The following LINC00632 variants were observed in gnomAD, a reference collection of about 807,000 sequenced individuals.
LINC00632 encodes the protein long independently transcribed non-coding RNA 632.
chrX:140,740,830 C>G (rs1271912508), intron 3 of LINC00632, among the ~76,000 whole-genome samples: 2 of 111,879 alleles, frequency 1.8e-5, no homozygotes, highest in East Asian at 2.8e-4. Flanking sequence ...TGATTCCATT[C>G]AAAAGGAGAT....
exon 5 of LINC00632, among the ~76,000 whole-genome samples, chrX:140,786,313 C>T (rs3761509): frequency 0.051 from 5,670 of 111,402 alleles, 157 homozygotes; most frequent in Middle Eastern, 0.12. Context: ...TTAAAATCGT[C>T]TGTGGGAAAC....
exon 4 of LINC00632, among the ~76,000 whole-genome samples, chrX:140,773,223 G>GAA (rs1931832094): frequency 2.7e-5 from 3 of 111,739 alleles, no homozygotes; most frequent in African/African-American, 9.8e-5. Flanking sequence ...GAAGAGAAGA[G>GAA]AAGAGAAGCT....
chrX:140,763,767 T>A (rs1321130943), intron 3 of LINC00632, among the ~76,000 whole-genome samples: 2 of 112,034 alleles, frequency 1.8e-5, no homozygotes, highest in African/African-American at 3.2e-5. Context: ...GTTTTTCACA[T>A]CCATTTTCTA....
chrX:140,764,172 C>T (rs1473409847), intron 3 of LINC00632, among the ~76,000 whole-genome samples: 5 of 110,568 alleles, frequency 4.5e-5, no homozygotes, highest in African/African-American at 1.6e-4. Flanking sequence ...TGACTTTTCA[C>T]GACAGATATT....
At chrX:140,787,957 T>A (rs1443923478) in exon 5 of LINC00632, among the ~76,000 whole-genome samples, 2 of 110,831 alleles carry the variant, frequency 1.8e-5, no homozygotes, top group African/African-American at 6.5e-5. Flanking sequence ...ATAGTCATTA[T>A]ATGAATGTTC....
intron 3 of LINC00632, among the ~76,000 whole-genome samples, chrX:140,742,872 A>AAAG (rs60962368): frequency 1.1e-5 from 1 of 93,504 alleles, no homozygotes; most frequent in African/African-American, 4.6e-5. Flanking sequence ...AGAGAGAGAG[A>AAAG]GAGAGAGGAA....
rs183184956 is a variant in LINC00632, at chrX:140,753,258, A to C, written n.192-18820A>C. Among the ~76,000 whole-genome samples, 12 of 112,257 alleles carry C rather than the reference A, an allele frequency of 1.1e-4. No homozygotes were observed. The East Asian group carries it at 3.1e-3, about 29-fold the overall frequency. ...AGTCTATGCTACTAATTATCAGTAT[A>C]ATTTGGGATAAGCCTTCCACTCTTG... On this transcript the variant is annotated intron_variant and non_coding_transcript_variant, in intron 3 of 4. Transcript: ENST00000648200.
intron 3 of LINC00632, among the ~76,000 whole-genome samples, chrX:140,759,202 G>A (rs141599715): frequency 0.041 from 4,384 of 106,643 alleles, 226 homozygotes; most frequent in African/African-American, 0.14. Context: ...TCGAACTCCC[G>A]ACCTCAGGTG....
At chrX:140,771,196 A>C (rs760328741) in intron 3 of LINC00632, among the ~76,000 whole-genome samples, 6 of 111,128 alleles carry the variant, frequency 5.4e-5, no homozygotes, top group African/African-American at 1.3e-4. Context: ...GTATTATCTT[A>C]TTGGGGGAAA....
chrX:140,772,278 C>T, exon 4 of LINC00632: 1 of 296,558 alleles, frequency 3.4e-6, no homozygotes, highest in Non-Finnish European at 5.9e-6. Context: ...TTGGGTTACA[C>T]TTGTTTCTAC....
At chrX:140,760,811 C>A (rs1406822642) in intron 3 of LINC00632, among the ~76,000 whole-genome samples, 1 of 111,602 alleles carries the variant, frequency 9.0e-6, no homozygotes, top group African/African-American at 3.3e-5. Context: ...GCAACCAATA[C>A]AATGTCATGT....
chrX:140,761,210 T>C (rs1178325944), intron 3 of LINC00632, among the ~76,000 whole-genome samples: 1 of 112,691 alleles, frequency 8.9e-6, no homozygotes. Flanking sequence ...ATTCTCATTG[T>C]GTCCCAAACT....
At chrX:140,771,622 C>T (rs868071622) in intron 3 of LINC00632, among the ~76,000 whole-genome samples, 3,166 of 90,545 alleles carry the variant, frequency 0.035, 99 homozygotes, top group East Asian at 0.14. Flanking sequence ...TACACACACA[C>T]ACACACACAC....
chrX:140,746,455 A>G (rs1432285103), intron 3 of LINC00632, among the ~76,000 whole-genome samples: 1 of 112,055 alleles, frequency 8.9e-6, no homozygotes, highest in African/African-American at 3.2e-5. Flanking sequence ...CTAATTAACT[A>G]AATAATAATC....
At chrX:140,783,370 A>T in exon 5 of LINC00632, 1 of 438,568 alleles carries the variant, frequency 2.3e-6, no homozygotes, top group Non-Finnish European at 4.0e-6. Flanking sequence ...CAAGTCTTCC[A>T]GCAAATCCAG....
exon 4 of LINC00632, among the ~76,000 whole-genome samples, chrX:140,773,553 CT>C (rs1333854364): frequency 8.9e-6 from 1 of 112,402 alleles, no homozygotes; most frequent in African/African-American, 3.2e-5. Flanking sequence ...GCCAGAAACA[CT>C]TTTCTGTGTA....
intron 2 of LINC00632, among the ~76,000 whole-genome samples, chrX:140,725,852 C>A: frequency 9.0e-6 from 1 of 111,718 alleles, no homozygotes; most frequent in Middle Eastern, 4.6e-3. Context: ...TCACAGAACA[C>A]AGAAAGGATG....
exon 5 of LINC00632, chrX:140,784,073 G>A (rs879121485): frequency 8.3e-7 from 1 of 1,206,721 alleles, no homozygotes; most frequent in Non-Finnish European, 1.1e-6. Context: ...CTTCCAGCAA[G>A]TCCACGTCTT....
At chrX:140,772,081 G>T in exon 4 of LINC00632, 2 of 292,830 alleles carry the variant, frequency 6.8e-6, no homozygotes, top group Non-Finnish European at 1.2e-5. Context: ...TTCCTAGATG[G>T]TGTGCTTCTC....
Sources: gnomAD v4.1 joint callset for allele counts (sites outside exome capture counted in the v4.1 genomes callset) on GRCh38, gnomAD v4.1.1 for gene constraint, MANE v1.5 for transcripts, NCBI Gene and HGNC (gene_info 2026-07-23, HGNC 2026-07-21) for gene names.